Variants in KNOP1 observed in about 807,000 individuals in gnomAD.
KNOP1 encodes the protein lysine-rich nucleolar protein 1.
KNOP1 carries 20 observed loss-of-function variants against 30.6 expected under a neutral mutation model. The ratio of observed to expected loss-of-function variants is 0.65; its 90% CI spans 0.46 to 0.95. The LOEUF is 0.95. Among genes scored for constraint, KNOP1 ranks in the 40% least tolerant of loss-of-function variants. The pLI, the probability that KNOP1 is intolerant of heterozygous loss-of-function variation, is 0.00. For synonymous variants in KNOP1, 204 were observed against 210.0 expected (o/e 0.97, Z 0.25); for missense variants, 540 against 562.0 (o/e 0.96, Z 0.40).
intron 4 of KNOP1, among the ~76,000 whole-genome samples, chr16:19,709,083 G>A (rs959801945): frequency 6.6e-6 from 1 of 152,036 alleles, no homozygotes; most frequent in Admixed American, 6.5e-5. Context: ...CCATCAGCTC[G>A]GCTCAGCTCA....
At chr16:19,712,335 C>T (rs1976762831) in intron 2 of KNOP1, among the ~76,000 whole-genome samples, 1 of 152,194 alleles carries the variant, frequency 6.6e-6, no homozygotes, top group Non-Finnish European at 1.5e-5. Context: ...CACCCCTCCA[C>T]TCCCCTCCCC....
chr16:19,703,159 TC>T lies in KNOP1; in HGVS notation c.*3750del, dbSNP rs1432571908. 6.6e-6 allele frequency: 1 copy of T among 152,254 alleles called. No individual in the cohort carries two copies. The highest frequency in any genetic ancestry group is 2.4e-5 in the African/African-American group (1 of 41,462). 9.4% of individuals were successfully genotyped at this position (152,254 alleles called of 1,614,324 possible). A position where few individuals can be genotyped will look rare whatever the true frequency, so the allele number is the denominator to read the frequency against. On this transcript the variant is annotated 3_prime_UTR_variant, in exon 5 of 5. Coordinates refer to ENST00000219837, the MANE Select transcript of KNOP1 (RefSeq NM_001012991.3). ...CTATAGGTCTTAAGTCCGCCTGGTC[TC>T]ACTGAGCTAAAATTAAGGCATCAGC... is the stretch of plus-strand genomic sequence containing the variant.
rs770853332 is a variant in KNOP1 at position 19,711,407 on chromosome 16, T to C, written c.952A>G (p.Lys318Glu). Residue 318 changes from lysine (K) to glutamate (E), a missense_variant, in exon 3 of 5, where the codon AAA (lysine) becomes GAA (glutamate). Transcript: ENST00000219837. ...TGCGCCTCATCCATGTTGCCTTTTT[T>C]TTCCAACACCACCTCTAAGTCCGTG... is the stretch of plus-strand genomic sequence containing the variant. The part of the protein sequence containing the change: ...TDTDLEVVLE[K>E]KGNMDEAHID... The C allele has an allele frequency of 1.2e-6, 2 of 1,614,196 alleles. No individual in the cohort carries two copies. Among genetic ancestry groups the C allele is most frequent in the Non-Finnish European group, 1.7e-6 (2 of 1,180,044 alleles).
Position 19,714,207 on chromosome 16 carries a change from C to T in KNOP1, c.829G>A (p.Glu277Lys). 1 of 1,614,106 alleles carries T rather than the reference C, an allele frequency of 6.2e-7. No homozygotes were observed. Among genetic ancestry groups the T allele is most frequent in the Non-Finnish European group, 8.5e-7 (1 of 1,180,032 alleles). ...GCTGGCTCCTCGATGACTGGCTGCT[C>T]TACCTTCTTTTTGGACTTCATCTTT... is the stretch of plus-strand genomic sequence containing the variant. ...KKKMKSKKKV[E>K]QPVIEEPALK... The change falls in exon 2 of 5, where the codon GAG becomes AAG. Residue 277 changes from glutamate (E) to lysine (K), a missense_variant. Transcript: ENST00000219837.
chr16:19,711,735 C>G (rs749110046), intron 2 of KNOP1: 9 of 422,352 alleles, frequency 2.1e-5, no homozygotes, highest in Non-Finnish European at 3.5e-5. Context: ...GTGATTCTAA[C>G]CCACATCTCC....
Position 19,707,151 on chromosome 16 carries a change from A to T in KNOP1, c.1136T>A (p.Leu379His). ...GGACAGGTTTTTGAAGCCACCCATA[A>T]GTCTGAGAAATTTCAGTTTTTGGTC... ...NEDQKLKFLR[L>H]MGGFKNLSPS... Residue 379 changes from leucine to histidine, a missense_variant, in exon 5 of 5, where the codon CTT becomes CAT. Physicochemically the swap from Leu to His is moderately conservative, Grantham distance 99. Coordinates refer to ENST00000219837, the MANE Select transcript of KNOP1 (RefSeq NM_001012991.3). 6.2e-7 allele frequency: 1 copy of T among 1,614,076 alleles called. No homozygotes were observed. Among genetic ancestry groups the T allele is most frequent in the Non-Finnish European group, 8.5e-7 (1 of 1,180,002 alleles).
rs1976357946 is a variant in KNOP1 at position 19,706,524 on chromosome 16, T to C, written c.*386A>G. The C allele has an allele frequency of 4.5e-6, 1 of 221,396 alleles. No individual in the cohort carries two copies. The highest frequency in any genetic ancestry group is 2.4e-5 in the African/African-American group (1 of 42,194). 13.7% of individuals were successfully genotyped at this position (221,396 alleles called of 1,614,324 possible). On this transcript the variant is annotated 3_prime_UTR_variant, in exon 5 of 5. Coordinates refer to ENST00000219837, the MANE Select transcript of KNOP1 (RefSeq NM_001012991.3). ...TGCTAAACACTCAACAAAAGTTAAC[T>C]GTACATACTGATGTCTCAAACAGGG...
chr16:19,707,951 C>G (rs1412919137), intron 4 of KNOP1, among the ~76,000 whole-genome samples: 2 of 106,684 alleles, frequency 1.9e-5, no homozygotes, highest in Non-Finnish European at 3.9e-5. Flanking sequence ...ACTCCCTATA[C>G]AGCGCACCTC....
chr16:19,713,376 A>G (rs1976817850), intron 2 of KNOP1, among the ~76,000 whole-genome samples: 1 of 152,174 alleles, frequency 6.6e-6, no homozygotes, highest in Non-Finnish European at 1.5e-5. Flanking sequence ...TACAAGCATG[A>G]GCCACCGCAC....
chr16:19,711,683 C>A (rs1567515209), intron 2 of KNOP1: 5 of 537,442 alleles, frequency 9.3e-6, no homozygotes. Context: ...GAGACTCAGA[C>A]AGGTAAAGTG....
intron 4 of KNOP1, among the ~76,000 whole-genome samples, chr16:19,709,433 C>T (rs1423437866): frequency 6.6e-6 from 1 of 152,228 alleles, no homozygotes; most frequent in Non-Finnish European, 1.5e-5. Context: ...CTATCCTCTG[C>T]CACCATCCTC....
At position 19,714,150 on chromosome 16, in the gene KNOP1, C is replaced by G. The variant is rs1031334307; in HGVS notation, c.886G>C (p.Glu296Gln). The change falls in exon 2 of 5, where the codon GAG (glutamate) becomes CAG (glutamine). Residue 296 changes from glutamate (E) to glutamine (Q), a missense_variant. Coordinates refer to ENST00000219837, the MANE Select transcript of KNOP1 (RefSeq NM_001012991.3). Reference sequence around the variant, plus strand: ...CAAGGGTCTCCTGCTACCCCACTCTCTTTCCTCTTCTTCTTTTTCTTCCTT... The same window carrying G: ...CAAGGGTCTCCTGCTACCCCACTCTGTTTCCTCTTCTTCTTTTTCTTCCTT... The part of the protein sequence containing the change: ...LKRKKKKKRK[E>Q]SGVAGDPWKE... 6.2e-7 allele frequency: 1 copy of G among 1,613,030 alleles called. No individual in the cohort carries two copies. The highest frequency in any genetic ancestry group is 2.2e-5 in the East Asian group (1 of 44,872).
intron 2 of KNOP1, among the ~76,000 whole-genome samples, chr16:19,713,204 T>C (rs1171764122): frequency 6.6e-6 from 1 of 152,112 alleles, no homozygotes; most frequent in Non-Finnish European, 1.5e-5. Flanking sequence ...GCAATTCTCG[T>C]GCCTCAGCCT....
At chr16:19,707,800 A>G (rs1390206271) in intron 4 of KNOP1, among the ~76,000 whole-genome samples, 1 of 107,288 alleles carries the variant, frequency 9.3e-6, no homozygotes, top group Non-Finnish European at 1.9e-5. Context: ...GCTACACAGC[A>G]CACTCTCCCC....
chr16:19,707,033 C>A lies in KNOP1; in HGVS notation c.1254G>T (p.Arg418=). ...AADSLQQNLQ[R]DYDRAMSWKY... ...TCCAGCTCATGGCCCGGTCGTAGTC[C>A]CGCTGCAGATTCTGCTGCAGGCTGT... is the stretch of plus-strand genomic sequence containing the variant. Residue 418 remains arginine (R), a synonymous_variant, in exon 5 of 5, where the codon CGG becomes CGT. Transcript: ENST00000219837. 6.2e-7 allele frequency: 1 copy of A among 1,614,138 alleles called. No homozygotes were observed. The highest frequency in any genetic ancestry group is 8.5e-7 in the Non-Finnish European group (1 of 1,180,014).
chr16:19,711,451 G>C lies in KNOP1; in HGVS notation c.919-11C>G. The C allele has an allele frequency of 6.2e-7, 1 of 1,613,888 alleles. No individual in the cohort carries two copies. The highest frequency in any genetic ancestry group is 8.5e-7 in the Non-Finnish European group (1 of 1,179,846). ...GTCCGTGTCTGTTTCCTGCAGGAGA[G>C]GGCAGAGCTGGCTAAGGTTCAAGTT... On this transcript the variant is annotated splice_polypyrimidine_tract_variant and intron_variant, in intron 2 of 4. Coordinates refer to ENST00000219837, the MANE Select transcript of KNOP1 (RefSeq NM_001012991.3).
chr16:19,711,608 T>A (rs559577772), intron 2 of KNOP1, among the ~76,000 whole-genome samples, 168 bp from the exon 3 acceptor site: 12 of 152,110 alleles, frequency 7.9e-5, no homozygotes, highest in African/African-American at 2.7e-4. Flanking sequence ...GCCCTTCCCA[T>A]CCCTTCTCTT....
At position 19,707,075 on chromosome 16, in the gene KNOP1, G is replaced by A. The variant is rs1277496579; in HGVS notation, c.1212C>T (p.Leu404=). 17 of 1,614,044 alleles carry A rather than the reference G, an allele frequency of 1.1e-5. No homozygotes were observed. Among genetic ancestry groups the A allele is most frequent in the South Asian group, 4.4e-5 (4 of 91,084 alleles). Residue 404 remains leucine (L), a synonymous_variant, in exon 5 of 5, where the codon CTC becomes CTT. Coordinates refer to ENST00000219837, the MANE Select transcript of KNOP1 (RefSeq NM_001012991.3). ...ASTIARPNMA[L]GKKAADSLQQ... Reference sequence around the variant, plus strand: ...GCAGGCTGTCAGCCGCCTTCTTGCCGAGGGCCATGTTGGGCCTTGCAATCG... The same window carrying A: ...GCAGGCTGTCAGCCGCCTTCTTGCCAAGGGCCATGTTGGGCCTTGCAATCG...
Position 19,714,744 on chromosome 16 carries a change from T to C in KNOP1, c.292A>G (p.Ser98Gly). Residue 98 changes from serine (S) to glycine (G), a missense_variant, in exon 2 of 5, where the codon AGC (serine) becomes GGC (glycine). Transcript: ENST00000219837. ...TGGCCAAACACCTGCTTCCTGAGGC[T>C]GGGTGACTTCTCTGTCCGTCTAGCA... ...LPARRTEKSP[S>G]LRKQVFGHLE... 6.2e-7 allele frequency: 1 copy of C among 1,614,200 alleles called. No individual in the cohort carries two copies. Among genetic ancestry groups the C allele is most frequent in the South Asian group, 1.1e-5 (1 of 91,082 alleles).
Sources: gnomAD v4.1 joint callset for allele counts (sites outside exome capture counted in the v4.1 genomes callset) on GRCh38, gnomAD v4.1.1 for gene constraint, MANE v1.5 for transcripts, NCBI Gene and HGNC (gene_info 2026-07-23, HGNC 2026-07-21) for gene names.